The following RSU1 variants were observed in gnomAD, a reference collection of about 807,000 sequenced individuals.
The protein encoded by RSU1 is Ras suppressor protein 1.
RSU1 carries 26 observed loss-of-function variants against 31.1 expected under a neutral mutation model. That is an observed-to-expected ratio of 0.84 (90% CI 0.61 to 1.16). RSU1 has a LOEUF of 1.16. RSU1 is among the 50% of genes most tolerant of loss of function. RSU1 has a pLI of 0.00. For missense variants in RSU1, 320 were observed against 339.1 expected, an observed-to-expected ratio of 0.94 and a Z score of 0.44; for synonymous variants, 164 against 136.3, an observed-to-expected ratio of 1.20 and a Z score of -1.41.
intron 4 of RSU1, among the ~76,000 whole-genome samples, chr10:16,759,378 G>A (rs377503340): frequency 4.6e-5 from 7 of 151,926 alleles, no homozygotes; most frequent in Admixed American, 1.3e-4. Context: ...GTGGTGGTGC[G>A]TACCTGTGGT....
At chr10:16,782,341 C>G (rs539710348) in intron 2 of RSU1, among the ~76,000 whole-genome samples, 1 of 152,304 alleles carries the variant, frequency 6.6e-6, no homozygotes, top group African/African-American at 2.4e-5. Flanking sequence ...TCCAACATGA[C>G]GAGGGCCAGT....
At chr10:16,754,072 G>T (rs1166805918) in intron 5 of RSU1, among the ~76,000 whole-genome samples, 2 of 152,048 alleles carry the variant, frequency 1.3e-5, no homozygotes, top group African/African-American at 4.8e-5. Context: ...CACTGCCCAA[G>T]AAAATATTTT....
chr10:16,739,215 G>A (rs1836700691), intron 7 of RSU1, among the ~76,000 whole-genome samples: 1 of 151,816 alleles, frequency 6.6e-6, no homozygotes, highest in Non-Finnish European at 1.5e-5. Context: ...ATAATCCTTT[G>A]GGTATATACC....
rs560203854 is a variant in RSU1 at position 16,809,330 on chromosome 10, C to A, written c.109+7643G>T. On this transcript the variant is annotated intron_variant, in intron 2 of 8. Coordinates refer to ENST00000345264, the MANE Select transcript of RSU1 (RefSeq NM_012425.4). ...AGATGCTCTGGTTGACTGTAACATA[C>A]GTGAGATTTCTTTCACTGTGAGCTA... 6.6e-5 allele frequency among the ~76,000 whole-genome samples: 10 copies of A among 152,276 alleles called. No homozygotes were observed. In the East Asian group the frequency reaches 1.9e-3, roughly 29 times the overall value.
chr10:16,655,337 C>T (rs955395667), intron 8 of RSU1, among the ~76,000 whole-genome samples: 8 of 152,136 alleles, frequency 5.3e-5, no homozygotes, highest in Non-Finnish European at 5.9e-5. Context: ...CTTAAGAGCA[C>T]GGGCTTGGGA....
At chr10:16,798,805 G>GT (rs1157729623) in intron 2 of RSU1, among the ~76,000 whole-genome samples, 3 of 152,142 alleles carry the variant, frequency 2.0e-5, no homozygotes, top group Non-Finnish European at 4.4e-5. Context: ...AAATAAAATT[G>GT]TATCACCAGA....
chr10:16,738,828 T>C (rs1281424604), intron 7 of RSU1, among the ~76,000 whole-genome samples: 1 of 152,092 alleles, frequency 6.6e-6, no homozygotes, highest in East Asian at 1.9e-4. Flanking sequence ...GCACATGCAT[T>C]AGGTATTTGT....
At chr10:16,670,899 G>A (rs533144127) in intron 8 of RSU1, among the ~76,000 whole-genome samples, 1 of 152,002 alleles carries the variant, frequency 6.6e-6, no homozygotes, top group Non-Finnish European at 1.5e-5. Context: ...CCAGTAGCTG[G>A]GATTACAGGG....
intron 7 of RSU1, among the ~76,000 whole-genome samples, chr10:16,750,281 C>T (rs1330726255): frequency 3.3e-5 from 5 of 152,096 alleles, no homozygotes; most frequent in Admixed American, 6.5e-5. Flanking sequence ...AGGTTTATCA[C>T]GTACTTACAA....
intron 8 of RSU1, among the ~76,000 whole-genome samples, chr10:16,619,285 G>A (rs1289216729): frequency 6.6e-6 from 1 of 152,240 alleles, no homozygotes; most frequent in African/African-American, 2.4e-5. Context: ...GTGACAGAGA[G>A]TAGCATGTTT....
At chr10:16,762,020 G>C (rs1837219787) in intron 4 of RSU1, among the ~76,000 whole-genome samples, 1 of 151,998 alleles carries the variant, frequency 6.6e-6, no homozygotes, top group South Asian at 2.1e-4. Flanking sequence ...CCCCGGTCTT[G>C]CTGTTCCCCC....
intron 8 of RSU1, among the ~76,000 whole-genome samples, chr10:16,640,014 T>A (rs1392654696): frequency 6.6e-6 from 1 of 152,202 alleles, no homozygotes; most frequent in Non-Finnish European, 1.5e-5. Flanking sequence ...CGATCTAGCA[T>A]TGGGTATCTA....
intron 8 of RSU1, among the ~76,000 whole-genome samples, chr10:16,620,494 G>A (rs1489502916): frequency 6.6e-6 from 1 of 151,206 alleles, no homozygotes; most frequent in Non-Finnish European, 1.5e-5. Context: ...CAGGTCTCAC[G>A]AGAGGTCAAG....
intron 8 of RSU1, among the ~76,000 whole-genome samples, chr10:16,622,114 A>G (rs1375867013): frequency 6.6e-6 from 1 of 152,198 alleles, no homozygotes; most frequent in Non-Finnish European, 1.5e-5. Context: ...GCCCACAAAA[A>G]TTAAAATTTT....
intron 8 of RSU1, among the ~76,000 whole-genome samples, chr10:16,643,125 T>G (rs935534607): frequency 7.9e-5 from 12 of 152,198 alleles, no homozygotes; most frequent in African/African-American, 2.2e-4. Flanking sequence ...CAGAACTAGT[T>G]TATTTAATAA....
chr10:16,637,479 A>G (rs1318478797), intron 8 of RSU1, among the ~76,000 whole-genome samples: 3 of 150,446 alleles, frequency 2.0e-5, no homozygotes, highest in Non-Finnish European at 4.4e-5. Context: ...TTTTTAACTC[A>G]TAAACCCACT....
chr10:16,704,049 A>C (rs1835846756), intron 7 of RSU1, among the ~76,000 whole-genome samples: 2 of 152,196 alleles, frequency 1.3e-5, no homozygotes, highest in Admixed American at 1.3e-4. Flanking sequence ...TGGTCGAAGG[A>C]CCACACTCTA....
At chr10:16,682,455 ATAGT>A (rs1356439205) in intron 8 of RSU1, among the ~76,000 whole-genome samples, 1 of 152,140 alleles carries the variant, frequency 6.6e-6, no homozygotes, top group East Asian at 1.9e-4. Flanking sequence ...CTTGCAAAAT[ATAGT>A]AATTAAGAAA....
At chr10:16,744,317 T>C (rs1836806819) in intron 7 of RSU1, among the ~76,000 whole-genome samples, 1 of 152,162 alleles carries the variant, frequency 6.6e-6, no homozygotes, top group Admixed American at 6.5e-5. Flanking sequence ...ACAAATGCAT[T>C]ATAGTGTAGG....
Sources: gnomAD v4.1 joint callset for allele counts (sites outside exome capture counted in the v4.1 genomes callset) on GRCh38, gnomAD v4.1.1 for gene constraint, MANE v1.5 for transcripts, NCBI Gene and HGNC (gene_info 2026-07-23, HGNC 2026-07-21) for gene names.